The following RNF144A variants were observed in gnomAD, a reference collection of about 807,000 sequenced individuals.
RNF144A encodes the protein E3 ubiquitin-protein ligase RNF144A.
In RNF144A, 11 loss-of-function variants were observed where a neutral mutation model predicts 38.7. That is an observed-to-expected ratio of 0.28 (90% confidence interval 0.18 to 0.47). RNF144A has a LOEUF of 0.47. RNF144A is among the 20% of genes least tolerant of loss of function. The pLI is 0.99. For missense variants in RNF144A, 316 were observed against 377.2 expected (o/e 0.84, Z 1.34); for synonymous variants, 149 against 143.9 (o/e 1.04, Z -0.25).
chr2:6,974,797 T>C (rs1558397421), intron 2 of RNF144A, among the ~76,000 whole-genome samples: 1 of 152,176 alleles, frequency 6.6e-6, no homozygotes, highest in Non-Finnish European at 1.5e-5. Context: ...AGCTGACATA[T>C]GCTGACATTT....
At chr2:6,949,225 A>T (rs1666524498) in intron 2 of RNF144A, among the ~76,000 whole-genome samples, 1 of 152,172 alleles carries the variant, frequency 6.6e-6, no homozygotes, top group Non-Finnish European at 1.5e-5. Context: ...GCTGTTAAAC[A>T]TTTCTTCACT....
rs1293358031 is a variant in RNF144A, at chr2:7,040,677, C to T, written c.*917C>T. Reference sequence around the variant, plus strand: ...GAATTGCTGCCGTCTGGCCTCTGGCCTCAGTCTTCAGATAGACAGTAAGAA... The same window carrying T: ...GAATTGCTGCCGTCTGGCCTCTGGCTTCAGTCTTCAGATAGACAGTAAGAA... On this transcript the variant is annotated 3_prime_UTR_variant, in exon 9 of 9. Transcript: ENST00000320892. 4 of 985,366 alleles carry T rather than the reference C, an allele frequency of 4.1e-6. No individual in the cohort carries two copies. Among genetic ancestry groups the T allele is most frequent in the Non-Finnish European group, 4.8e-6 (4 of 829,968 alleles). 61.0% of individuals were successfully genotyped at this position (985,366 alleles called of 1,614,324 possible). A position where few individuals can be genotyped will look rare whatever the true frequency, so the allele number is the denominator to read the frequency against.
intron 2 of RNF144A, among the ~76,000 whole-genome samples, chr2:6,942,746 G>A (rs538619168): frequency 2.6e-4 from 39 of 152,340 alleles, no homozygotes; most frequent in Admixed American, 1.6e-3. Context: ...CACTTTGGGA[G>A]GCCAAGATGG....
At chr2:7,017,136 G>A (rs753014626) in intron 5 of RNF144A, among the ~76,000 whole-genome samples, 38 of 152,096 alleles carry the variant, frequency 2.5e-4, no homozygotes, top group Non-Finnish European at 4.1e-4. Flanking sequence ...GACGCCCGTG[G>A]CCCTCTGAGA....
At position 6,917,711 on chromosome 2, in the gene RNF144A, T is replaced by C. The variant is rs1664213561; in HGVS notation, c.-212+89T>C. On this transcript the variant is annotated intron_variant, in intron 1 of 8. Coordinates refer to ENST00000320892, the MANE Select transcript of RNF144A (RefSeq NM_014746.6). The surrounding 1 kb of genome is among the most constrained non-coding windows in gnomAD (Gnocchi z 4.8). ...GGGACGCGGCGCTGCGCGGCCGGCC[T>C]TGGGGCTCGGGGCTTGCGGCCGCGC... 1 of 148,120 alleles carries C rather than the reference T, an allele frequency of 6.8e-6. No homozygotes were observed. The highest frequency in any genetic ancestry group is 6.7e-5 in the Admixed American group (1 of 14,930). The allele number at this position is 148,120 out of a possible 1,614,324, so 9.2% of individuals were successfully genotyped here.
At chr2:6,918,273 G>A (rs925419726) in intron 1 of RNF144A, 1 of 152,426 alleles carries the variant, frequency 6.6e-6, no homozygotes. Flanking sequence ...GTTCCCTGCG[G>A]GTCTTACCCA....
chr2:7,021,513 C>G (rs1280309118), intron 6 of RNF144A, among the ~76,000 whole-genome samples: 1 of 152,198 alleles, frequency 6.6e-6, no homozygotes, highest in Non-Finnish European at 1.5e-5. Context: ...AACCTCTCTT[C>G]CCGTGTCTGG....
chr2:7,040,555 G>A lies in RNF144A; in HGVS notation c.*795G>A. 1 of 985,402 alleles carries A rather than the reference G, an allele frequency of 1.0e-6. No homozygotes were observed. Among genetic ancestry groups the A allele is most frequent in the Non-Finnish European group, 1.2e-6 (1 of 829,926 alleles). The allele number at this position is 985,402 out of a possible 1,614,324, so 61.0% of individuals were successfully genotyped here. On this transcript the variant is annotated 3_prime_UTR_variant, in exon 9 of 9. Coordinates refer to ENST00000320892, the MANE Select transcript of RNF144A (RefSeq NM_014746.6). ...GTTGTTTTCTCTCTTTGGTGATTCAGCTCAGCTCATGGGCCTCATCCCTTC... is the reference window on the plus strand; with the variant it reads ...GTTGTTTTCTCTCTTTGGTGATTCAACTCAGCTCATGGGCCTCATCCCTTC...
intron 6 of RNF144A, among the ~76,000 whole-genome samples, chr2:7,061,321 A>G (rs1373808008): frequency 6.6e-6 from 1 of 152,130 alleles, no homozygotes; most frequent in East Asian, 1.9e-4. Flanking sequence ...CAGAGCTCTC[A>G]TGGGAGCCTA....
At position 6,943,211 on chromosome 2, in the gene RNF144A, G is replaced by C. The variant is rs1666129112; in HGVS notation, c.-12+2064G>C. ...AGAAGAGAGGAGTTGTAAGGACTGGGCCCTGGGGCATTCTAGCTTCATGAG... is the reference window on the plus strand; with the variant it reads ...AGAAGAGAGGAGTTGTAAGGACTGGCCCCTGGGGCATTCTAGCTTCATGAG... On this transcript the variant is annotated intron_variant, in intron 2 of 8. Coordinates refer to ENST00000320892, the MANE Select transcript of RNF144A (RefSeq NM_014746.6). This position sits in a 1 kb window ranked among gnomAD's most constrained non-coding sequence, Gnocchi z 4.3. 6.6e-6 allele frequency among the ~76,000 whole-genome samples: 1 copy of C among 152,216 alleles called. No homozygotes were observed. Among genetic ancestry groups the C allele is most frequent in the Non-Finnish European group, 1.5e-5 (1 of 68,040 alleles).
rs1172951456 is a variant in RNF144A at position 6,958,979 on chromosome 2, A to G, written c.-12+17832A>G. On this transcript the variant is annotated intron_variant, in intron 2 of 8. Transcript: ENST00000320892. The surrounding 1 kb of genome is among the most constrained non-coding windows in gnomAD (Gnocchi z 4.5). ...TCTTGCAGGTGCAGCGTGGGCGTCC[A>G]GTTACTGCTCTCCGGGGCTTGCTCC... Among the ~76,000 whole-genome samples the G allele has an allele frequency of 6.6e-6, 1 of 152,184 alleles. No homozygotes were observed. The highest frequency in any genetic ancestry group is 2.4e-5 in the African/African-American group (1 of 41,440).
At chr2:7,009,281 G>A (rs1475891724) in intron 3 of RNF144A, among the ~76,000 whole-genome samples, 1 of 152,238 alleles carries the variant, frequency 6.6e-6, no homozygotes, top group African/African-American at 2.4e-5. Context: ...CAGCAAGGAT[G>A]CCACCTGCAA....
chr2:7,009,397 T>C (rs1244888024), intron 3 of RNF144A, among the ~76,000 whole-genome samples: 1 of 152,156 alleles, frequency 6.6e-6, no homozygotes, highest in African/African-American at 2.4e-5. Flanking sequence ...AGCAGCTGAC[T>C]GTGAGCCTGC....
downstream of RNF144A, among the ~76,000 whole-genome samples, chr2:7,070,156 T>TTC (rs143933026): frequency 1.2e-4 from 18 of 151,396 alleles, no homozygotes; most frequent in Middle Eastern, 3.4e-3. Context: ...GGAGCTTTTC[T>TTC]TCTCTCTCTC....
chr2:6,947,142 C>T (rs1383885142), intron 2 of RNF144A, among the ~76,000 whole-genome samples: 1 of 151,920 alleles, frequency 6.6e-6, no homozygotes, highest in East Asian at 1.9e-4. Context: ...TGAATTGAGT[C>T]TTATTATACA....
chr2:6,923,807 T>C (rs1664697313), intron 1 of RNF144A, among the ~76,000 whole-genome samples: 1 of 152,128 alleles, frequency 6.6e-6, no homozygotes, highest in South Asian at 2.1e-4. Flanking sequence ...TTATTTTTTT[T>C]TTTCAGAACC....
intron 2 of RNF144A, among the ~76,000 whole-genome samples, chr2:6,986,157 C>T (rs1009430022): frequency 1.3e-5 from 2 of 152,098 alleles, no homozygotes; most frequent in Non-Finnish European, 1.5e-5. Context: ...CCAGCATCCT[C>T]GGGTTACAGA....
intron 1 of RNF144A, among the ~76,000 whole-genome samples, chr2:6,921,607 G>A (rs769427060): frequency 6.6e-6 from 1 of 152,202 alleles, no homozygotes; most frequent in Non-Finnish European, 1.5e-5. Flanking sequence ...CTGCAGATAA[G>A]GATAGATCCC....
rs896526505 is a variant in RNF144A at position 7,018,890 on chromosome 2, T to TA, written c.302-1572dup. Among the ~76,000 whole-genome samples, 201 of 145,192 alleles carry TA rather than the reference T, an allele frequency of 1.4e-3. 1 individual carries two copies. Among genetic ancestry groups the TA allele is most frequent in the African/African-American group, 4.2e-3 (168 of 39,634 alleles). On this transcript the variant is annotated intron_variant, in intron 5 of 8. Transcript: ENST00000320892. ...TTTGTGCTGTTGATTAATTCATGCT[T>TA]AAAAAAAAAAAGGCAGAGGGCAGCC...
Sources: gnomAD v4.1 joint callset for allele counts (sites outside exome capture counted in the v4.1 genomes callset) on GRCh38, gnomAD v4.1.1 for gene constraint, Gnocchi (gnomAD v3.1) non-coding constraint, MANE v1.5 for transcripts, NCBI Gene and HGNC (gene_info 2026-07-23, HGNC 2026-07-21) for gene names.